POLQ: variants seen among roughly 807,000 people sequenced by gnomAD.
The protein encoded by POLQ is DNA polymerase theta.
A neutral mutation model predicts 259.2 loss-of-function variants in POLQ; 233 were observed. The ratio of observed to expected loss-of-function variants is 0.90; its 90% CI spans 0.81 to 1.00. POLQ has a LOEUF of 1.00. Among genes scored for constraint, POLQ ranks in the 50% least tolerant of loss-of-function variants. POLQ has a pLI of 0.00. For synonymous variants in POLQ, 1,025 were observed against 1,048.8 expected (o/e 0.98, Z 0.44); for missense variants, 2,871 against 3,051.6 (o/e 0.94, Z 1.39).
At chr3:121,519,227 C>G (rs1176559575) in intron 9 of POLQ, among the ~76,000 whole-genome samples, 1 of 151,756 alleles carries the variant, frequency 6.6e-6, no homozygotes, top group Non-Finnish European at 1.5e-5. Context: ...GTAGACTACA[C>G]CTAGAAATTA....
chr3:121,510,579 A>C (rs1027417740), intron 10 of POLQ, among the ~76,000 whole-genome samples: 1 of 150,420 alleles, frequency 6.6e-6, no homozygotes, highest in Non-Finnish European at 1.5e-5. Context: ...TCCATCTCAA[A>C]AAAACAATTA....
intron 19 of POLQ, 102 bp downstream of exon 19, chr3:121,481,470 G>T: frequency 9.2e-7 from 1 of 1,081,842 alleles, no homozygotes; most frequent in Non-Finnish European, 1.3e-6. Context: ...CAATCCAAAG[G>T]TAGGATTTGC....
intron 14 of POLQ, among the ~76,000 whole-genome samples, chr3:121,496,050 G>A (rs76053145): frequency 0.014 from 2,133 of 151,898 alleles, 52 homozygotes; most frequent in African/African-American, 0.049. Flanking sequence ...AGAATTTCTC[G>A]TTTGCTTAGG....
chr3:121,497,983 C>G (rs2048137481), intron 13 of POLQ, among the ~76,000 whole-genome samples: 1 of 152,126 alleles, frequency 6.6e-6, no homozygotes, highest in South Asian at 2.1e-4. Flanking sequence ...CTGTGAGCTG[C>G]AGAAAGAAAC....
chr3:121,495,818 C>A (rs1000161152), intron 14 of POLQ, among the ~76,000 whole-genome samples: 19 of 133,026 alleles, frequency 1.4e-4, no homozygotes, highest in Admixed American at 1.1e-3. Context: ...CACTGCACTC[C>A]AGCCTGGGAG....
intron 25 of POLQ, among the ~76,000 whole-genome samples, chr3:121,454,409 A>C (rs1387072091): frequency 1.3e-5 from 2 of 152,222 alleles, no homozygotes; most frequent in South Asian, 2.1e-4. Context: ...AAATGGACTA[A>C]ATGCTCCAAT....
Position 121,476,564 on chromosome 3 carries a change from G to A in POLQ, c.6381C>T (p.Phe2127=), listed in dbSNP as rs775363332. 1.2e-6 allele frequency: 2 copies of A among 1,613,498 alleles called. No individual in the cohort carries two copies. Among genetic ancestry groups the A allele is most frequent in the Admixed American group, 1.7e-5 (1 of 59,930 alleles). ...CCTCAGCGATGTCATCTGAACTGGT[G>A]AAAGAAAAACTGTGGCCAGCTAGTT... ...AYQLAGHSFS[F]TSSDDIAEVL... The change falls in exon 20 of 30, where the codon TTC becomes TTT. Residue 2127 remains phenylalanine, a synonymous_variant. Transcript: ENST00000264233.
At chr3:121,436,531 T>G (rs146655341) in intron 27 of POLQ, among the ~76,000 whole-genome samples, 1 of 152,336 alleles carries the variant, frequency 6.6e-6, no homozygotes, top group Non-Finnish European at 1.5e-5. Flanking sequence ...TCTTGACTAC[T>G]CAGTTAGCAT....
chr3:121,527,744 C>T (rs1018312517), intron 7 of POLQ, among the ~76,000 whole-genome samples: 4 of 152,172 alleles, frequency 2.6e-5, no homozygotes, highest in African/African-American at 9.7e-5. Flanking sequence ...TCTGCTTCTT[C>T]GGAACACTTC....
Position 121,508,499 on chromosome 3 carries a change from G to A in POLQ, c.1959+1062C>T, listed in dbSNP as rs558574022. ...AGGTTATATGATTACTAAGTGATGA[G>A]GCCAAAAGTTGAACTAAGGCAGTCT... is the stretch of plus-strand genomic sequence containing the variant. On this transcript the variant is annotated intron_variant, in intron 12 of 29. Transcript: ENST00000264233. 1.2e-4 allele frequency among the ~76,000 whole-genome samples: 19 copies of A among 152,212 alleles called. No individual in the cohort carries two copies. In the East Asian group the frequency reaches 3.7e-3, roughly 29 times the overall value.
At position 121,493,665 on chromosome 3, in the gene POLQ, A is replaced by C; in HGVS notation, c.2335T>G (p.Ser779Ala). Residue 779 changes from serine (S) to alanine (A), a missense_variant, in exon 15 of 30, where the codon TCC becomes GCC. Ser to Ala is a moderately conservative substitution (Grantham distance 99). Coordinates refer to ENST00000264233, the MANE Select transcript of POLQ (RefSeq NM_199420.4). The stretch of plus-strand genomic sequence containing the variant: ...AACGTAAGACGCTTCTGAAATTGGG[A>C]AAGTAGTAGTTCCATGTTGTGCCAG... ...LGWHNMELLL[S>A]QFQKRLTFGI... 6.2e-7 allele frequency: 1 copy of C among 1,614,004 alleles called. No homozygotes were observed. Among genetic ancestry groups the C allele is most frequent in the Non-Finnish European group, 8.5e-7 (1 of 1,179,842 alleles).
chr3:121,441,766 G>A (rs966000519), intron 26 of POLQ, among the ~76,000 whole-genome samples: 1 of 152,112 alleles, frequency 6.6e-6, no homozygotes, highest in African/African-American at 2.4e-5. Context: ...GAATTGCACG[G>A]TTATATAGTT....
intron 25 of POLQ, among the ~76,000 whole-genome samples, chr3:121,456,202 T>C (rs2047735553): frequency 6.6e-6 from 1 of 152,148 alleles, no homozygotes; most frequent in African/African-American, 2.4e-5. Flanking sequence ...CTAAAAACTC[T>C]CAATAAATCA....
chr3:121,498,546 G>T lies in POLQ; in HGVS notation c.2084C>A (p.Ala695Asp). 4 of 1,613,932 alleles carry T rather than the reference G, an allele frequency of 2.5e-6. No individual in the cohort carries two copies. The highest frequency in any genetic ancestry group is 3.4e-6 in the Non-Finnish European group (4 of 1,179,932). The change falls in exon 13 of 30, where the codon GCC (alanine) becomes GAC (aspartate). Residue 695 changes from alanine to aspartate, a missense_variant. This residue lies in a region of POLQ where 783 missense variants were observed against 906.2 expected (regional missense o/e 0.86). Transcript: ENST00000264233. ...TACTACTTTTCCTTTCACACAACGG[G>T]CCAAGAACCCCTCTTCAACTCCCAC... ...ELVGVEEGFL[A>D]RCVKGKVVAR... is the part of the protein sequence containing the mutation.
intron 25 of POLQ, among the ~76,000 whole-genome samples, chr3:121,453,503 A>T (rs1450862779): frequency 6.6e-6 from 1 of 152,232 alleles, no homozygotes; most frequent in African/African-American, 2.4e-5. Flanking sequence ...TAAAATTTAG[A>T]CAAATGTATA....
At chr3:121,525,112 C>A (rs533973427) in intron 7 of POLQ, among the ~76,000 whole-genome samples, 1 of 152,044 alleles carries the variant, frequency 6.6e-6, no homozygotes, top group Admixed American at 6.6e-5. Context: ...GAGTCCAAGG[C>A]GAGTGGATCA....
chr3:121,470,632 A>G (rs1199300070), intron 22 of POLQ, among the ~76,000 whole-genome samples: 1 of 152,178 alleles, frequency 6.6e-6, no homozygotes, highest in Non-Finnish European at 1.5e-5. Context: ...ATTGACTGAG[A>G]CAGGGTCTCA....
intron 28 of POLQ, among the ~76,000 whole-genome samples, chr3:121,434,994 TA>T (rs997337739): frequency 1.4e-4 from 21 of 150,652 alleles, no homozygotes; most frequent in Non-Finnish European, 7.4e-5. Flanking sequence ...CCCTCTCTAC[TA>T]AAAAAAAAAT....
Position 121,524,849 on chromosome 3 carries a change from G to A in POLQ, c.1109-2700C>T, listed in dbSNP as rs952790050. ...AAAATTTATCATATACATACAAAATGGGTACATTTTCTTATAAATAATACC... is the reference window on the plus strand; with the variant it reads ...AAAATTTATCATATACATACAAAATAGGTACATTTTCTTATAAATAATACC... On this transcript the variant is annotated intron_variant, in intron 7 of 29. Transcript: ENST00000264233. 2.0e-5 allele frequency among the ~76,000 whole-genome samples: 3 copies of A among 151,968 alleles called. No homozygotes were observed. In the South Asian group the frequency reaches 6.2e-4, roughly 32 times the overall value.
Sources: allele counts gnomAD v4.1 joint callset (sites outside exome capture counted in the v4.1 genomes callset), GRCh38; gene constraint gnomAD v4.1.1; regional missense constraint gnomAD v4.1.1; transcripts MANE v1.5; gene names NCBI Gene and HGNC (gene_info 2026-07-23, HGNC 2026-07-21).